Variants in NPFFR2 observed in about 807,000 individuals in gnomAD.
NPFFR2 encodes neuropeptide FF receptor 2.
In NPFFR2, 15 loss-of-function variants were observed where a neutral mutation model predicts 13.1. The observed-to-expected ratio is 1.15, with a 90% CI of 0.77 to 1.76. NPFFR2 has a LOEUF of 1.76. Among genes scored for constraint, NPFFR2 ranks in the 40% most tolerant of loss-of-function variants. The probability of loss-of-function intolerance (pLI) is 0.00; values close to 1 mark genes in which losing one functional copy is unlikely to be tolerated. For missense variants in NPFFR2, 572 were observed against 503.5 expected (o/e 1.14, Z -1.30); for synonymous variants, 190 against 175.7 (o/e 1.08, Z -0.65).
chr4:72,055,677 G>A (rs1719723384), intron 1 of NPFFR2, among the ~76,000 whole-genome samples: 1 of 152,008 alleles, frequency 6.6e-6, no homozygotes, highest in South Asian at 2.1e-4. Flanking sequence ...GGCCTCTTGA[G>A]CCAAACAGCT....
chr4:72,048,020 G>A (rs4432721), intron 1 of NPFFR2, among the ~76,000 whole-genome samples: 146,779 of 152,152 alleles, frequency 0.96, 71,023 homozygotes, highest in East Asian at 1. Flanking sequence ...GGCTAACTTC[G>A]TATATATTAC....
chr4:72,048,937 A>G (rs1444999536), intron 1 of NPFFR2, among the ~76,000 whole-genome samples: 1 of 152,108 alleles, frequency 6.6e-6, no homozygotes, highest in African/African-American at 2.4e-5. Flanking sequence ...TGTCTGCTTT[A>G]GAATACTGTC....
At chr4:72,140,343 A>G (rs1206652656) in intron 3 of NPFFR2, among the ~76,000 whole-genome samples, 1 of 152,196 alleles carries the variant, frequency 6.6e-6, no homozygotes, top group Admixed American at 6.5e-5. Context: ...GCCAGTTTTC[A>G]AAGGGAATGC....
chr4:72,115,437 G>T (rs1240474882), intron 1 of NPFFR2, among the ~76,000 whole-genome samples: 2 of 152,132 alleles, frequency 1.3e-5, no homozygotes, highest in Non-Finnish European at 2.9e-5. Context: ...TTAGAAATAT[G>T]TTCGCTGTGA....
intron 2 of NPFFR2, among the ~76,000 whole-genome samples, chr4:72,130,530 T>A (rs1722203744): frequency 6.6e-6 from 1 of 152,090 alleles, no homozygotes; most frequent in South Asian, 2.1e-4. Context: ...TGAGTTTTTG[T>A]GATGTTTATC....
chr4:72,089,223 T>C (rs1399937381), intron 1 of NPFFR2, among the ~76,000 whole-genome samples: 2 of 152,166 alleles, frequency 1.3e-5, no homozygotes, highest in Non-Finnish European at 2.9e-5. Context: ...CTTTATCCAA[T>C]TGTTGATTGA....
intron 1 of NPFFR2, among the ~76,000 whole-genome samples, chr4:72,071,602 C>A (rs1396191846): frequency 1.3e-5 from 2 of 152,096 alleles, no homozygotes; most frequent in African/African-American, 4.8e-5. Flanking sequence ...ACTCTTGGCA[C>A]AAAACCATCC....
chr4:72,110,961 G>A (rs745595538), intron 1 of NPFFR2, among the ~76,000 whole-genome samples: 3 of 151,900 alleles, frequency 2.0e-5, no homozygotes, highest in Non-Finnish European at 4.4e-5. Context: ...ACAAAAAACT[G>A]CAAAAGCCTA....
At chr4:72,120,417 C>T (rs1296328036) in intron 1 of NPFFR2, among the ~76,000 whole-genome samples, 1 of 152,240 alleles carries the variant, frequency 6.6e-6, no homozygotes, top group African/African-American at 2.4e-5. Context: ...AAGGGCCAGA[C>T]TGCCTCCTCA....
At chr4:72,089,306 C>A (rs1251244561) in intron 1 of NPFFR2, among the ~76,000 whole-genome samples, 3 of 151,860 alleles carry the variant, frequency 2.0e-5, no homozygotes, top group Non-Finnish European at 2.9e-5. Context: ...GTATCTTTTC[C>A]ATATAATGGC....
chr4:72,069,915 T>C (rs944837470), intron 1 of NPFFR2, among the ~76,000 whole-genome samples: 3 of 152,180 alleles, frequency 2.0e-5, no homozygotes, highest in African/African-American at 4.8e-5. Flanking sequence ...CCGACATTTA[T>C]AATCAAGTAC....
At chr4:72,057,812 A>G (rs1719796613) in intron 1 of NPFFR2, among the ~76,000 whole-genome samples, 1 of 152,006 alleles carries the variant, frequency 6.6e-6, no homozygotes, top group Non-Finnish European at 1.5e-5. Context: ...ATCAAGGTCA[A>G]TGTCATCAAT....
intron 1 of NPFFR2, among the ~76,000 whole-genome samples, chr4:72,118,558 C>G (rs1217787419): frequency 1.3e-5 from 2 of 151,930 alleles, no homozygotes; most frequent in Non-Finnish European, 2.9e-5. Context: ...GACTCCAGAG[C>G]CTGTTTTTAA....
chr4:72,111,733 G>A (rs148581548), intron 1 of NPFFR2, among the ~76,000 whole-genome samples: 42 of 151,978 alleles, frequency 2.8e-4, no homozygotes, highest in East Asian at 1.7e-3. Flanking sequence ...CAACAAAAAC[G>A]GAAAAAGGGA....
Position 72,147,754 on chromosome 4 carries a change from C to T in NPFFR2, c.1205C>T (p.Pro402Leu). The change falls in exon 4 of 4, where the codon CCC becomes CTC. Residue 402 changes from proline (P) to leucine (L), a missense_variant. Pro to Leu is a moderately conservative substitution (Grantham distance 98). Coordinates refer to ENST00000308744, the MANE Select transcript of NPFFR2 (RefSeq NM_004885.3). ...TLLYRKSAEK[P>L]QQELVMEELK... is the part of the protein sequence containing the mutation. ...CTTTATAGGAAAAGTGCTGAAAAAC[C>T]CCAACAGGAATTAGTGATGGAAGAA... The T allele has an allele frequency of 6.3e-7, 1 of 1,596,744 alleles. No homozygotes were observed. Among genetic ancestry groups the T allele is most frequent in the South Asian group, 1.2e-5 (1 of 86,938 alleles).
At chr4:72,051,822 G>A (rs1398323483) in intron 1 of NPFFR2, among the ~76,000 whole-genome samples, 1 of 151,862 alleles carries the variant, frequency 6.6e-6, no homozygotes, top group African/African-American at 2.4e-5. Flanking sequence ...TATCACCACC[G>A]ATCCCACAGA....
intron 1 of NPFFR2, among the ~76,000 whole-genome samples, chr4:72,095,891 C>G (rs1721057347): frequency 6.6e-6 from 1 of 152,198 alleles, no homozygotes; most frequent in Non-Finnish European, 1.5e-5. Context: ...GCTAGGCAGG[C>G]AGCCATGGGG....
chr4:72,103,697 A>C (rs1721325182), intron 1 of NPFFR2, among the ~76,000 whole-genome samples: 1 of 152,118 alleles, frequency 6.6e-6, no homozygotes, highest in African/African-American at 2.4e-5. Context: ...AATAAAAAAG[A>C]CACTAAATTA....
At chr4:72,064,905 A>C (rs1354251112) in intron 1 of NPFFR2, among the ~76,000 whole-genome samples, 1 of 152,068 alleles carries the variant, frequency 6.6e-6, no homozygotes, top group African/African-American at 2.4e-5. Context: ...CGTGGTGGAG[A>C]CTTGTTTCTT....
Sources: allele counts gnomAD v4.1 joint callset (sites outside exome capture counted in the v4.1 genomes callset), GRCh38; gene constraint gnomAD v4.1.1; transcripts MANE v1.5; gene names NCBI Gene and HGNC (gene_info 2026-07-23, HGNC 2026-07-21).